ADAMTS14: variants seen among roughly 807,000 people sequenced by gnomAD.
The protein encoded by ADAMTS14 is A disintegrin and metalloproteinase with thrombospondin motifs 14.
ADAMTS14 carries 100 observed loss-of-function variants against 128.6 expected under a neutral mutation model. That is an observed-to-expected ratio of 0.78 (90% confidence interval 0.66 to 0.92). ADAMTS14 has a LOEUF of 0.92. Among genes scored for constraint, ADAMTS14 ranks in the 40% least tolerant of loss-of-function variants. ADAMTS14 has a pLI of 0.00. For missense variants in ADAMTS14, 1,562 were observed against 1,658.6 expected (o/e 0.94, Z 1.01); for synonymous variants, 665 against 653.8 (o/e 1.02, Z -0.26).
intron 2 of ADAMTS14, among the ~76,000 whole-genome samples, chr10:70,675,293 C>T (rs556757085): frequency 1.7e-4 from 26 of 152,304 alleles, no homozygotes; most frequent in Non-Finnish European, 3.1e-4. Flanking sequence ...GGCTGAGCCA[C>T]TGCCTAGCTG....
chr10:70,760,911 C>A lies in ADAMTS14; in HGVS notation c.*58C>A. The A allele has an allele frequency of 6.7e-7, 1 of 1,503,574 alleles. No individual in the cohort carries two copies. The highest frequency in any genetic ancestry group is 1.3e-5 in the South Asian group (1 of 74,148). 93.1% of individuals were successfully genotyped at this position (1,503,574 alleles called of 1,614,324 possible). On this transcript the variant is annotated 3_prime_UTR_variant, in exon 22 of 22. Coordinates refer to ENST00000373207, the MANE Select transcript of ADAMTS14 (RefSeq NM_080722.4). ...ACTCTGTGTACTGCCCCGTGACTCCCAGCTCAGAGGACACACATAGCAGGG... is the reference window on the plus strand; with the variant it reads ...ACTCTGTGTACTGCCCCGTGACTCCAAGCTCAGAGGACACACATAGCAGGG...
intron 2 of ADAMTS14, among the ~76,000 whole-genome samples, chr10:70,693,260 A>G (rs538942908): frequency 1.3e-4 from 20 of 152,314 alleles, no homozygotes; most frequent in African/African-American, 4.6e-4. Flanking sequence ...ACATTTCAAC[A>G]TGAGATTTGG....
rs61851560 is a variant in ADAMTS14, at chr10:70,751,472, C to T, written c.2428-6C>T. ...GGTCCTGTGCCAGCTCCCCATCTCC[C>T]CTCAGGCTCTCCCCCCAACTGAGGG... On this transcript the variant is annotated splice_polypyrimidine_tract_variant and splice_region_variant and intron_variant, in intron 16 of 21. Coordinates refer to ENST00000373207, the MANE Select transcript of ADAMTS14 (RefSeq NM_080722.4). The T allele has an allele frequency of 0.028, 45,476 of 1,599,840 alleles. 868 individuals carry two copies. The highest frequency in any genetic ancestry group is 0.073 in the South Asian group (6,641 of 90,706).
In ADAMTS14 at chr10:70,687,971, C is replaced by T. The variant is rs1485743546; in HGVS notation, c.522+12976C>T. ...CTGGCCGGGCGGGGGGCTGACCCCCCCCCCGACCTCCCTCCCGGACGGGGT... is the reference window on the plus strand; with the variant it reads ...CTGGCCGGGCGGGGGGCTGACCCCCTCCCCGACCTCCCTCCCGGACGGGGT... On this transcript the variant is annotated intron_variant, in intron 2 of 21. Transcript: ENST00000373207. Among the ~76,000 whole-genome samples, 6 of 70,572 alleles carry T rather than the reference C, an allele frequency of 8.5e-5. 1 individual carries two copies. The highest frequency in any genetic ancestry group is 1.8e-4 in the Non-Finnish European group (6 of 34,006). The allele number at this position is 70,572 out of a possible 152,430, so 46.3% of individuals were successfully genotyped here.
intron 4 of ADAMTS14, among the ~76,000 whole-genome samples, chr10:70,725,477 G>A (rs919981817): frequency 6.6e-6 from 1 of 152,192 alleles, no homozygotes; most frequent in Non-Finnish European, 1.5e-5. Context: ...TGGAGGCTGG[G>A]AAGTCCAAGA....
chr10:70,737,549 C>T (rs1161929801), intron 10 of ADAMTS14, among the ~76,000 whole-genome samples: 1 of 152,196 alleles, frequency 6.6e-6, no homozygotes, highest in Non-Finnish European at 1.5e-5. Context: ...GCCCCAGGGC[C>T]ACCCCACCAG....
At position 70,760,899 on chromosome 10, in the gene ADAMTS14, C is replaced by A. The variant is rs1269710611; in HGVS notation, c.*46C>A. 6.6e-7 allele frequency: 1 copy of A among 1,513,932 alleles called. No individual in the cohort carries two copies. 93.8% of individuals were successfully genotyped at this position (1,513,932 alleles called of 1,614,324 possible). A position where few individuals can be genotyped will look rare whatever the true frequency, so the allele number is the denominator to read the frequency against. ...TGGCACGTTTACACTCTGTGTACTG[C>A]CCCGTGACTCCCAGCTCAGAGGACA... On this transcript the variant is annotated 3_prime_UTR_variant, in exon 22 of 22. Transcript: ENST00000373207.
rs1178175197 is a variant in ADAMTS14, at chr10:70,688,356, C to T, written c.522+13361C>T. Among the ~76,000 whole-genome samples, 9 of 99,504 alleles carry T rather than the reference C, an allele frequency of 9.0e-5. 1 individual carries two copies. The South Asian group carries it at 2.7e-3, about 30-fold the overall frequency. The allele number at this position is 99,504 out of a possible 152,430, so 65.3% of individuals were successfully genotyped here. A position where few individuals can be genotyped will look rare whatever the true frequency, so the allele number is the denominator to read the frequency against. On this transcript the variant is annotated intron_variant, in intron 2 of 21. Transcript: ENST00000373207. ...CTCACTTCCTAGATGGGATGGCCGC[C>T]GGGCAGAGACGCTCCTCACTTTCCA...
rs1332306213 is a variant in ADAMTS14, at chr10:70,762,180, C to G, written c.*1327C>G. On this transcript the variant is annotated 3_prime_UTR_variant, in exon 22 of 22. Transcript: ENST00000373207. ...GTGATAGAGGTGCTTCTCACTTCTT[C>G]CTTCCCCAAGGCAAAGGGGCTGTTC... 1 of 152,692 alleles carries G rather than the reference C, an allele frequency of 6.5e-6. No individual in the cohort carries two copies. The highest frequency in any genetic ancestry group is 1.9e-4 in the East Asian group (1 of 5,194). 9.5% of individuals were successfully genotyped at this position (152,692 alleles called of 1,614,324 possible). A position where few individuals can be genotyped will look rare whatever the true frequency, so the allele number is the denominator to read the frequency against.
At chr10:70,715,949 C>T (rs58959459) in intron 4 of ADAMTS14, among the ~76,000 whole-genome samples, 6,011 of 152,266 alleles carry the variant, frequency 0.039, 192 homozygotes, top group African/African-American at 0.087. Context: ...TAGGACTTTA[C>T]TGTTGGAGGA....
At chr10:70,738,765 T>C in intron 10 of ADAMTS14, 77 bp from the exon 11 acceptor site, 1 of 1,597,728 alleles carries the variant, frequency 6.3e-7, no homozygotes, top group Non-Finnish European at 8.5e-7. Flanking sequence ...ATGCTCTTGC[T>C]ATCCCTTTTT....
At chr10:70,744,830 T>C (rs1842127274) in intron 14 of ADAMTS14, among the ~76,000 whole-genome samples, 1 of 152,038 alleles carries the variant, frequency 6.6e-6, no homozygotes, top group Non-Finnish European at 1.5e-5. Context: ...AGGACAGTCA[T>C]GTGGAGTCTT....
intron 15 of ADAMTS14, among the ~76,000 whole-genome samples, chr10:70,746,948 G>A (rs1428897846): frequency 2.0e-5 from 3 of 152,028 alleles, no homozygotes; most frequent in African/African-American, 7.2e-5. Context: ...AAATGTCACA[G>A]AGGCCCCTCT....
intron 4 of ADAMTS14, among the ~76,000 whole-genome samples, chr10:70,723,776 C>T (rs947754134): frequency 6.6e-6 from 1 of 152,208 alleles, no homozygotes; most frequent in Admixed American, 6.5e-5. Flanking sequence ...CCTTTTACAA[C>T]CTTCTTGAGT....
intron 9 of ADAMTS14, among the ~76,000 whole-genome samples, chr10:70,736,245 A>C (rs1209090573): frequency 6.8e-6 from 1 of 148,062 alleles, no homozygotes. Context: ...AGGGAGGTGG[A>C]GTCCCAGCCT....
intron 1 of ADAMTS14, among the ~76,000 whole-genome samples, chr10:70,673,959 A>G (rs551204171): frequency 6.6e-6 from 1 of 152,326 alleles, no homozygotes; most frequent in East Asian, 1.9e-4. Context: ...GCTCGGCCAT[A>G]CAGAGATCTC....
chr10:70,708,659 C>A lies in ADAMTS14; in HGVS notation c.751C>A (p.Arg251=). 6.2e-7 allele frequency: 1 copy of A among 1,613,514 alleles called. No homozygotes were observed. The highest frequency in any genetic ancestry group is 8.5e-7 in the Non-Finnish European group (1 of 1,179,760). Residue 251 remains arginine, a synonymous_variant, in exon 4 of 22, where the codon CGG becomes AGG. Coordinates refer to ENST00000373207, the MANE Select transcript of ADAMTS14 (RefSeq NM_080722.4). The part of the protein sequence containing the change: ...GDQLGDTERK[R]RHAKPGSYSI... ...CCAGCTGGGCGACACAGAGCGGAAG[C>A]GGCGGCATGCCAAGCCAGGCAGCTA...
At chr10:70,747,206 T>C (rs1414055759) in intron 15 of ADAMTS14, among the ~76,000 whole-genome samples, 3 of 152,150 alleles carry the variant, frequency 2.0e-5, no homozygotes, top group Admixed American at 2.0e-4. Flanking sequence ...ACTTCTATTC[T>C]TGAAGGCATC....
chr10:70,742,717 C>A (rs547851703), intron 12 of ADAMTS14, among the ~76,000 whole-genome samples: 1 of 152,332 alleles, frequency 6.6e-6, no homozygotes, highest in East Asian at 1.9e-4. Context: ...GACTGTTAGA[C>A]GAATTCCAGG....
Sources: allele counts gnomAD v4.1 joint callset (sites outside exome capture counted in the v4.1 genomes callset), GRCh38; gene constraint gnomAD v4.1.1; transcripts MANE v1.5; gene names NCBI Gene and HGNC (gene_info 2026-07-23, HGNC 2026-07-21).